Variants in ADCY1 observed in about 807,000 individuals in gnomAD.
ADCY1 encodes the protein adenylate cyclase type 1.
ADCY1 carries 28 observed loss-of-function variants against 105.4 expected under a neutral mutation model. The ratio of observed to expected loss-of-function variants is 0.27; its 90% confidence interval spans 0.20 to 0.36. ADCY1 has a LOEUF of 0.36. ADCY1 is among the 10% of genes least tolerant of loss of function. The pLI, the probability that ADCY1 is intolerant of heterozygous loss-of-function variation, is 1.00. For synonymous variants in ADCY1, 655 were observed against 623.8 expected (o/e 1.05, Z -0.75); for missense variants, 977 against 1,434.2 (o/e 0.68, Z 5.15).
At chr7:45,704,671 A>C in intron 17 of ADCY1, 55 bp downstream of exon 17, 2 of 1,448,138 alleles carry the variant, frequency 1.4e-6, no homozygotes. Flanking sequence ...TCTGCCCTAA[A>C]CTGCTCTGGG....
rs186838187 is a variant in ADCY1 at position 45,708,126 on chromosome 7, T to G, written c.2818-224T>G. Among the ~76,000 whole-genome samples the G allele has an allele frequency of 2.0e-4, 30 of 152,338 alleles. 1 individual carries two copies. In the East Asian group the frequency reaches 5.4e-3, roughly 27 times the overall value. Reference sequence around the variant, plus strand: ...CCCTGCCCTATTCCTGCAGGCAGCCTTGGGTGGGCCCTGTCTCTGCCCCTC... The same window carrying G: ...CCCTGCCCTATTCCTGCAGGCAGCCGTGGGTGGGCCCTGTCTCTGCCCCTC... On this transcript the variant is annotated intron_variant, in intron 17 of 19. Transcript: ENST00000297323. The surrounding 1 kb of genome is among the most constrained non-coding windows in gnomAD (Gnocchi z 4.7).
intron 14 of ADCY1, among the ~76,000 whole-genome samples, chr7:45,702,606 G>A (rs1362457513): frequency 6.6e-6 from 1 of 152,208 alleles, no homozygotes; most frequent in Admixed American, 6.5e-5. Flanking sequence ...TGCCTCCTAG[G>A]GCTGTGCTGG....
In ADCY1 at chr7:45,679,812, T is replaced by G; in HGVS notation, c.1983+19T>G. ...GGTCCAGGTATGTGGGTGGCCTGTG[T>G]CCTGTACCTGCATATCACCTGGTTC... On this transcript the variant is annotated intron_variant, in intron 11 of 19. Coordinates refer to ENST00000297323, the MANE Select transcript of ADCY1 (RefSeq NM_021116.4). 1 of 1,613,088 alleles carries G rather than the reference T, an allele frequency of 6.2e-7. No individual in the cohort carries two copies. The highest frequency in any genetic ancestry group is 8.5e-7 in the Non-Finnish European group (1 of 1,179,070).
chr7:45,589,502 G>A (rs1043256318), intron 1 of ADCY1, among the ~76,000 whole-genome samples: 1 of 152,214 alleles, frequency 6.6e-6, no homozygotes, highest in African/African-American at 2.4e-5. Context: ...CCTTGCCCCT[G>A]TGACATGCAT....
intron 4 of ADCY1, among the ~76,000 whole-genome samples, chr7:45,644,935 A>T (rs560679817): frequency 1.3e-5 from 2 of 152,290 alleles, no homozygotes; most frequent in South Asian, 4.1e-4. Flanking sequence ...TGGGAAAGGG[A>T]TGCCATGAGG....
At chr7:45,619,808 T>TG (rs1385167740) in intron 3 of ADCY1, among the ~76,000 whole-genome samples, 1 of 152,208 alleles carries the variant, frequency 6.6e-6, no homozygotes, top group East Asian at 1.9e-4. Flanking sequence ...AGATCTAACA[T>TG]GCGGCATGGT....
chr7:45,614,332 C>T (rs573181996), intron 3 of ADCY1, among the ~76,000 whole-genome samples: 29 of 151,920 alleles, frequency 1.9e-4, no homozygotes, highest in Middle Eastern at 6.8e-3. Flanking sequence ...TCAAAATGGA[C>T]AGTTATAGTT....
rs767584608 is a variant in ADCY1, at chr7:45,677,995, A to G, written c.1732A>G (p.Thr578Ala). The G allele has an allele frequency of 6.8e-6, 11 of 1,614,078 alleles. No homozygotes were observed. In the Admixed American group the frequency reaches 1.3e-4, roughly 20 times the overall value. ...YISRLLEARQ[T>A]ELEMADLNFF... is the part of the protein sequence containing the mutation. Reference sequence around the variant, plus strand: ...CAGCCGCCTCTTAGAAGCCCGCCAGACAGAGCTGGAGATGGCAGACCTGAA... The same window carrying G: ...CAGCCGCCTCTTAGAAGCCCGCCAGGCAGAGCTGGAGATGGCAGACCTGAA... The change falls in exon 9 of 20, where the codon ACA (threonine) becomes GCA (alanine). Residue 578 changes from threonine (T) to alanine (A), a missense_variant. This residue lies in a region of ADCY1 where 275 missense variants were observed against 362.1 expected (regional missense o/e 0.76). Coordinates refer to ENST00000297323, the MANE Select transcript of ADCY1 (RefSeq NM_021116.4).
chr7:45,705,561 A>AG (rs1785101615), intron 17 of ADCY1, among the ~76,000 whole-genome samples: 1 of 152,258 alleles, frequency 6.6e-6, no homozygotes, highest in Admixed American at 6.5e-5. Flanking sequence ...AACTGGCAAT[A>AG]GAAGACAACA....
At position 45,722,046 on chromosome 7, in the gene ADCY1, C is replaced by T. The variant is rs960953109; in HGVS notation, c.*8051C>T. 2.9e-5 allele frequency: 11 copies of T among 383,270 alleles called. No individual in the cohort carries two copies. The highest frequency in any genetic ancestry group is 2.2e-4 in the East Asian group (6 of 27,144). The allele number at this position is 383,270 out of a possible 1,614,324, so 23.7% of individuals were successfully genotyped here. The stretch of plus-strand genomic sequence containing the variant: ...AGGTGAGGGCAGTGGGAAGCTGGCC[C>T]GACGGCAGCCAGAACTTGTTTCTCA... On this transcript the variant is annotated 3_prime_UTR_variant, in exon 20 of 20. Coordinates refer to ENST00000297323, the MANE Select transcript of ADCY1 (RefSeq NM_021116.4).
At chr7:45,685,129 G>A in intron 12 of ADCY1, 61 bp downstream of exon 12, 1 of 1,479,826 alleles carries the variant, frequency 6.8e-7, no homozygotes. Flanking sequence ...TGGAGGACCA[G>A]CCCAGAAGCC....
At chr7:45,627,520 C>G (rs1794096149) in intron 4 of ADCY1, among the ~76,000 whole-genome samples, 1 of 152,222 alleles carries the variant, frequency 6.6e-6, no homozygotes, top group Non-Finnish European at 1.5e-5. Flanking sequence ...ATGGCTATCC[C>G]CGCCTGTTTA....
intron 2 of ADCY1, among the ~76,000 whole-genome samples, chr7:45,596,797 C>A (rs953918309): frequency 5.9e-5 from 9 of 152,202 alleles, no homozygotes; most frequent in Non-Finnish European, 1.0e-4. Flanking sequence ...TGGGGCAGGG[C>A]TGGCTCCTGT....
intron 8 of ADCY1, among the ~76,000 whole-genome samples, chr7:45,662,615 G>A (rs973648603): frequency 2.6e-5 from 4 of 152,078 alleles, no homozygotes; most frequent in Non-Finnish European, 5.9e-5. Context: ...CCAAGCCTGT[G>A]CCTCATCTGT....
intron 14 of ADCY1, among the ~76,000 whole-genome samples, chr7:45,690,636 T>C (rs1051724048): frequency 6.6e-6 from 1 of 152,100 alleles, no homozygotes; most frequent in Non-Finnish European, 1.5e-5. Flanking sequence ...ATACAGCACA[T>C]ACCTGCCCTG....
In ADCY1 at chr7:45,721,719, C is replaced by T. The variant is rs1377645426; in HGVS notation, c.*7724C>T. 5 of 398,500 alleles carry T rather than the reference C, an allele frequency of 1.3e-5. No individual in the cohort carries two copies. The highest frequency in any genetic ancestry group is 6.3e-4 in the Middle Eastern group (1 of 1,588). 24.7% of individuals were successfully genotyped at this position (398,500 alleles called of 1,614,324 possible). A position where few individuals can be genotyped will look rare whatever the true frequency, so the allele number is the denominator to read the frequency against. ...AGGGGTTAGAGGATGTTCAAAGGGCCGATTTCAGCAGGAGTTCAGAGGGCT... is the reference window on the plus strand; with the variant it reads ...AGGGGTTAGAGGATGTTCAAAGGGCTGATTTCAGCAGGAGTTCAGAGGGCT... On this transcript the variant is annotated 3_prime_UTR_variant, in exon 20 of 20. Coordinates refer to ENST00000297323, the MANE Select transcript of ADCY1 (RefSeq NM_021116.4).
rs1231296632 is a variant in ADCY1, at chr7:45,714,963, A to G, written c.*968A>G. On this transcript the variant is annotated 3_prime_UTR_variant, in exon 20 of 20. Coordinates refer to ENST00000297323, the MANE Select transcript of ADCY1 (RefSeq NM_021116.4). Reference sequence around the variant, plus strand: ...TTGAATATGAGCGGCTGTCACACCCATGAGCAAGTTTCCTTGATGGAAGAT... The same window carrying G: ...TTGAATATGAGCGGCTGTCACACCCGTGAGCAAGTTTCCTTGATGGAAGAT... 6.6e-6 allele frequency: 1 copy of G among 152,250 alleles called. No individual in the cohort carries two copies. The highest frequency in any genetic ancestry group is 1.5e-5 in the Non-Finnish European group (1 of 68,052). 9.4% of individuals were successfully genotyped at this position (152,250 alleles called of 1,614,324 possible). A position where few individuals can be genotyped will look rare whatever the true frequency, so the allele number is the denominator to read the frequency against.
intron 19 of ADCY1, among the ~76,000 whole-genome samples, chr7:45,711,259 G>T (rs1785225746): frequency 6.6e-6 from 1 of 152,126 alleles, no homozygotes; most frequent in African/African-American, 2.4e-5. Flanking sequence ...TGGAGATTGT[G>T]AGGGGCCACA....
intron 1 of ADCY1, among the ~76,000 whole-genome samples, chr7:45,588,922 T>C (rs1156765947): frequency 6.6e-6 from 1 of 151,572 alleles, no homozygotes; most frequent in Non-Finnish European, 1.5e-5. Flanking sequence ...TTTCCTTACT[T>C]TCTGGCACTG....
Sources: allele counts gnomAD v4.1 joint callset (sites outside exome capture counted in the v4.1 genomes callset), GRCh38; gene constraint gnomAD v4.1.1; regional missense constraint gnomAD v4.1.1; non-coding constraint Gnocchi (gnomAD v3.1); transcripts MANE v1.5; gene names NCBI Gene and HGNC (gene_info 2026-07-23, HGNC 2026-07-21).